RIT2: variants seen among roughly 807,000 people sequenced by gnomAD.
The protein encoded by RIT2 is GTP-binding protein Rit2.
A neutral mutation model predicts 23.7 loss-of-function variants in RIT2; 24 were observed. That is an observed-to-expected ratio of 1.01 (90% CI 0.73 to 1.43). The LOEUF (loss-of-function observed/expected upper bound fraction) is 1.43. Among genes scored for constraint, RIT2 ranks in the 40% most tolerant of loss-of-function variants. RIT2 has a pLI of 0.00. For synonymous variants in RIT2, 107 were observed against 91.1 expected (o/e 1.17, Z -0.99); for missense variants, 236 against 266.9 (o/e 0.88, Z 0.81).
chr18:42,873,197 T>C (rs1243034603), intron 4 of RIT2, among the ~76,000 whole-genome samples: 2 of 152,180 alleles, frequency 1.3e-5, no homozygotes, highest in African/African-American at 4.8e-5. Context: ...CAATAAGATC[T>C]CCATTATATC....
chr18:43,056,508 A>C (rs1912505606), intron 1 of RIT2, among the ~76,000 whole-genome samples: 1 of 152,150 alleles, frequency 6.6e-6, no homozygotes, highest in East Asian at 1.9e-4. Flanking sequence ...GTTTCAAGGA[A>C]ATTCTATCAC....
chr18:43,114,924 A>G (rs1914033281), intron 1 of RIT2, among the ~76,000 whole-genome samples: 1 of 152,182 alleles, frequency 6.6e-6, no homozygotes, highest in Non-Finnish European at 1.5e-5. Flanking sequence ...AAGCCCACAC[A>G]CACCATGTCA....
chr18:42,878,116 A>AAT (rs1339927160), intron 4 of RIT2, among the ~76,000 whole-genome samples: 1 of 150,510 alleles, frequency 6.6e-6, no homozygotes, highest in African/African-American at 2.4e-5. Context: ...ATATATATAT[A>AAT]ATATATATAC....
Position 42,902,472 on chromosome 18 carries a change from T to C in RIT2, c.426+21100A>G, listed in dbSNP as rs557684326. Among the ~76,000 whole-genome samples the C allele has an allele frequency of 1.3e-4, 20 of 151,832 alleles. No homozygotes were observed. The East Asian group carries it at 1.7e-3, about 13-fold the overall frequency. ...GATGTTCTGTTTCTTGGGTATAATGTTTACAGATGTTCATTCTATTATTGT... is the reference window on the plus strand; with the variant it reads ...GATGTTCTGTTTCTTGGGTATAATGCTTACAGATGTTCATTCTATTATTGT... On this transcript the variant is annotated intron_variant, in intron 4 of 4. Transcript: ENST00000326695.
At chr18:42,852,047 G>A (rs927948818) in intron 4 of RIT2, among the ~76,000 whole-genome samples, 3 of 152,012 alleles carry the variant, frequency 2.0e-5, no homozygotes, top group African/African-American at 7.2e-5. Context: ...CCAGTTCAAA[G>A]TGCACCACAA....
chr18:42,864,084 T>G (rs1224402512), intron 4 of RIT2, among the ~76,000 whole-genome samples: 2 of 148,798 alleles, frequency 1.3e-5, no homozygotes, highest in African/African-American at 4.9e-5. Context: ...TTAAACAGAG[T>G]CAATCAGCCC....
chr18:42,904,636 A>T (rs549649523), intron 4 of RIT2, among the ~76,000 whole-genome samples: 19 of 152,346 alleles, frequency 1.2e-4, no homozygotes, highest in Admixed American at 1.1e-3. Flanking sequence ...AACAAAATAC[A>T]ACTCACGAAA....
intron 1 of RIT2, among the ~76,000 whole-genome samples, chr18:43,051,319 G>A (rs987408811): frequency 1.3e-5 from 2 of 152,118 alleles, no homozygotes; most frequent in Non-Finnish European, 2.9e-5. Context: ...ATTACAGATA[G>A]GAAGTTTTGT....
chr18:43,025,415 C>T (rs1045891125), intron 2 of RIT2, among the ~76,000 whole-genome samples: 1 of 151,882 alleles, frequency 6.6e-6, no homozygotes, highest in Non-Finnish European at 1.5e-5. Flanking sequence ...TTTGGTTTAG[C>T]AATCCTGCTA....
intron 3 of RIT2, among the ~76,000 whole-genome samples, chr18:42,925,479 A>G (rs1410247203): frequency 3.9e-5 from 6 of 152,042 alleles, no homozygotes; most frequent in Admixed American, 2.0e-4. Context: ...TGTCAGTTGT[A>G]TATGATTAAA....
intron 4 of RIT2, among the ~76,000 whole-genome samples, chr18:42,842,985 A>G (rs1906809097): frequency 6.6e-6 from 1 of 152,190 alleles, no homozygotes; most frequent in Non-Finnish European, 1.5e-5. Context: ...AAAGCCAGTA[A>G]TATTTCTATT....
At chr18:43,035,884 C>T (rs1911962871) in intron 1 of RIT2, among the ~76,000 whole-genome samples, 1 of 152,170 alleles carries the variant, frequency 6.6e-6, no homozygotes, top group African/African-American at 2.4e-5. Flanking sequence ...AAAATCTGTT[C>T]TTACCAATTT....
At chr18:42,987,993 C>T (rs1910753144) in intron 2 of RIT2, among the ~76,000 whole-genome samples, 2 of 152,136 alleles carry the variant, frequency 1.3e-5, no homozygotes, top group South Asian at 4.2e-4. Flanking sequence ...GCCTCACCTC[C>T]AGCATTGAGG....
At chr18:42,983,411 A>G (rs1488108491) in intron 2 of RIT2, among the ~76,000 whole-genome samples, 1 of 152,084 alleles carries the variant, frequency 6.6e-6, no homozygotes, top group Non-Finnish European at 1.5e-5. Context: ...AGTTTTAGAA[A>G]AAAAAAATGA....
chr18:43,045,763 T>C (rs1394001218), intron 1 of RIT2, among the ~76,000 whole-genome samples: 1 of 152,034 alleles, frequency 6.6e-6, no homozygotes, highest in African/African-American at 2.4e-5. Flanking sequence ...TTTTGTGCCT[T>C]GTATCATGAA....
chr18:42,873,466 A>G (rs1907670098), intron 4 of RIT2, among the ~76,000 whole-genome samples: 1 of 152,126 alleles, frequency 6.6e-6, no homozygotes, highest in Non-Finnish European at 1.5e-5. Context: ...AGAAATTCTT[A>G]TGAGTAAAAA....
chr18:43,025,353 TC>T (rs1317669481), intron 2 of RIT2, among the ~76,000 whole-genome samples: 2 of 137,204 alleles, frequency 1.5e-5, no homozygotes, highest in East Asian at 6.9e-4. Flanking sequence ...TAGTACAAAC[TC>T]TGCAGAAAAT....
At chr18:42,890,437 A>T (rs1038441878) in intron 4 of RIT2, among the ~76,000 whole-genome samples, 1 of 151,034 alleles carries the variant, frequency 6.6e-6, no homozygotes, top group Non-Finnish European at 1.5e-5. Flanking sequence ...CAAGAAACTT[A>T]ATTTTTGAAA....
Position 43,115,096 on chromosome 18 carries a change from C to T in RIT2, c.103+321G>A, listed in dbSNP as rs184090108. On this transcript the variant is annotated intron_variant, in intron 1 of 4. Transcript: ENST00000326695. ...TTTTTGAGACTAGGAGCACATTTTT[C>T]TCATACCATGACAATTTCATACTTA... is the stretch of plus-strand genomic sequence containing the variant. 5.2e-3 allele frequency among the ~76,000 whole-genome samples: 795 copies of T among 152,226 alleles called. 5 individuals are homozygous for T. The highest frequency in any genetic ancestry group is 0.018 in the African/African-American group (760 of 41,536).
Sources: gnomAD v4.1 joint callset for allele counts (sites outside exome capture counted in the v4.1 genomes callset) on GRCh38, gnomAD v4.1.1 for gene constraint, MANE v1.5 for transcripts, NCBI Gene and HGNC (gene_info 2026-07-23, HGNC 2026-07-21) for gene names.